IFNLR1: variants seen among roughly 807,000 people sequenced by gnomAD.
IFNLR1 encodes CRF2-12.
In IFNLR1, 28 loss-of-function variants were observed where a neutral mutation model predicts 52.5. That is an observed-to-expected ratio of 0.53 (90% CI 0.40 to 0.73). The LOEUF is 0.73. Ranked by LOEUF, IFNLR1 falls within the 30% of genes least tolerant of loss-of-function variation. IFNLR1 has a pLI of 0.00. For missense variants in IFNLR1, 623 were observed against 659.1 expected, an observed-to-expected ratio of 0.95 and a Z score of 0.60; for synonymous variants, 276 against 274.9, an observed-to-expected ratio of 1.00 and a Z score of -0.04.
chr1:24,170,927 A>G (rs1254024269), intron 2 of IFNLR1, among the ~76,000 whole-genome samples: 1 of 152,222 alleles, frequency 6.6e-6, no homozygotes, highest in Non-Finnish European at 1.5e-5. Flanking sequence ...TTTGAGAAAG[A>G]ACCAATTCCT....
chr1:24,162,494 T>C (rs1298395993), intron 3 of IFNLR1, among the ~76,000 whole-genome samples: 2 of 152,228 alleles, frequency 1.3e-5, no homozygotes, highest in East Asian at 1.9e-4. Flanking sequence ...TCTCAGTCTA[T>C]TTTGTGTTGT....
intron 6 of IFNLR1, among the ~76,000 whole-genome samples, chr1:24,158,307 T>C (rs150588118): frequency 2.6e-5 from 4 of 152,018 alleles, no homozygotes; most frequent in Non-Finnish European, 5.9e-5. Flanking sequence ...GCGCTGGGAG[T>C]TGCAAATCCA....
intron 3 of IFNLR1, among the ~76,000 whole-genome samples, chr1:24,162,706 CTTTT>C (rs1644457318): frequency 9.2e-5 from 2 of 21,786 alleles, no homozygotes; most frequent in African/African-American, 1.9e-4. Context: ...CTTTTCTTTT[CTTTT>C]CTTTCTTTCT....
At position 24,159,529 on chromosome 1, in the gene IFNLR1, A is replaced by T; in HGVS notation, c.615T>A (p.Ser205Arg). The change falls in exon 5 of 7, where the codon AGT becomes AGA. Residue 205 changes from serine to arginine, a missense_variant. Ser to Arg is a moderately radical substitution (Grantham distance 110, BLOSUM62 -1). Transcript: ENST00000327535. ...TAGAGAACTTGCTGTATTTCGGGACACTGAACGTGTAGATGGTTCTGGCAC... is the reference window on the plus strand; with the variant it reads ...TAGAGAACTTGCTGTATTTCGGGACTCTGAACGTGTAGATGGTTCTGGCAC... The part of the protein sequence containing the change: ...CLSARTIYTF[S>R]VPKYSKFSKP... 6.2e-7 allele frequency: 1 copy of T among 1,614,164 alleles called. No homozygotes were observed. The highest frequency in any genetic ancestry group is 1.1e-5 in the South Asian group (1 of 91,084).
At chr1:24,180,976 C>T in intron 1 of IFNLR1, 122 bp from the exon 2 acceptor site, 3 of 1,008,864 alleles carry the variant, frequency 3.0e-6, no homozygotes, top group Non-Finnish European at 4.3e-6. Context: ...GAACCAGGAG[C>T]CACTGACTGG....
At chr1:24,178,667 T>C (rs1644658665) in intron 2 of IFNLR1, among the ~76,000 whole-genome samples, 1 of 152,094 alleles carries the variant, frequency 6.6e-6, no homozygotes, top group South Asian at 2.1e-4. Context: ...ACCAAATGTG[T>C]TTAAATGCCT....
rs758527795 is a variant in IFNLR1, at chr1:24,169,399, C to T, written c.367+18G>A. The T allele has an allele frequency of 6.2e-7, 1 of 1,609,008 alleles. No homozygotes were observed. Among genetic ancestry groups the T allele is most frequent in the Non-Finnish European group, 8.5e-7 (1 of 1,176,744 alleles). ...GGGATGGACAGCCTTCCACTCAGTC[C>T]CTTACCCACAGACCTACCTTCAAAA... On this transcript the variant is annotated intron_variant, in intron 3 of 6. Transcript: ENST00000327535.
intron 1 of IFNLR1, 76 bp downstream of exon 1, chr1:24,187,115 C>G (rs1048458585): frequency 2.0e-6 from 2 of 1,006,704 alleles, no homozygotes; most frequent in African/African-American, 3.4e-5. Context: ...GTCCCAGGAG[C>G]TCCGGGTCCG....
intron 1 of IFNLR1, among the ~76,000 whole-genome samples, chr1:24,186,664 AAACAAC>A (rs57142907): frequency 1.5e-4 from 22 of 151,472 alleles, no homozygotes; most frequent in South Asian, 6.3e-4. Context: ...AGAGGTGGGA[AAACAAC>A]AACAACAACA....
In IFNLR1 at chr1:24,157,159, G is replaced by A. The variant is rs146061117; in HGVS notation, c.1534C>T (p.Arg512Trp). 3.5e-5 allele frequency: 57 copies of A among 1,613,236 alleles called. No individual in the cohort carries two copies. The highest frequency in any genetic ancestry group is 2.4e-4 in the South Asian group (22 of 91,022). ...CTGGCCATGTAATGCCCCAATGTCC[G>A]GCCCCTGTCCTCGGTCCTCTGGGTG... ...ESTQRTEDRG[R>W]TLGHYMAR The change falls in exon 7 of 7, where the codon CGG becomes TGG. Residue 512 changes from arginine to tryptophan, a missense_variant. By Grantham distance (101) the Arg-to-Trp change is moderately radical (BLOSUM62 -3). Coordinates refer to ENST00000327535, the MANE Select transcript of IFNLR1 (RefSeq NM_170743.4). The surrounding 1 kb of genome is among the most constrained non-coding windows in gnomAD (Gnocchi z 5.1).
At chr1:24,184,644 G>A (rs1644720274) in intron 1 of IFNLR1, among the ~76,000 whole-genome samples, 1 of 152,126 alleles carries the variant, frequency 6.6e-6, no homozygotes, top group Non-Finnish European at 1.5e-5. Context: ...TGAAATACTT[G>A]ATTCAAATGT....
intron 2 of IFNLR1, among the ~76,000 whole-genome samples, chr1:24,170,120 A>G (rs891676852): frequency 5.3e-5 from 8 of 152,224 alleles, no homozygotes; most frequent in Non-Finnish European, 7.3e-5. Context: ...CCCTTCCGCT[A>G]TGCGAAGACG....
rs371172712 is a variant in IFNLR1 at position 24,159,159 on chromosome 1, G to T, written c.694C>A (p.Leu232Met). ...AACAGCAGTATCAGAAGCGATGGCAGCACCAGGAAAGCCCAGTTGGCTTCT... is the reference window on the plus strand; with the variant it reads ...AACAGCAGTATCAGAAGCGATGGCATCACCAGGAAAGCCCAGTTGGCTTCT... ...VPEANWAFLV[L>M]PSLLILLLVI... Residue 232 changes from leucine to methionine, a missense_variant, in exon 6 of 7, where the codon CTG becomes ATG. Physicochemically the swap from Leu to Met is conservative, Grantham distance 15. Coordinates refer to ENST00000327535, the MANE Select transcript of IFNLR1 (RefSeq NM_170743.4). The T allele has an allele frequency of 2.5e-6, 4 of 1,614,126 alleles. No homozygotes were observed. The highest frequency in any genetic ancestry group is 3.4e-6 in the Non-Finnish European group (4 of 1,180,012).
chr1:24,161,165 C>T (rs1202938441), intron 4 of IFNLR1, among the ~76,000 whole-genome samples: 2 of 152,226 alleles, frequency 1.3e-5, no homozygotes, highest in African/African-American at 4.8e-5. Flanking sequence ...ACTATCTGGC[C>T]TTCTTCGGGA....
chr1:24,166,344 C>CATCCATTCTTCCCATAT (rs562572112), intron 3 of IFNLR1, among the ~76,000 whole-genome samples: 29 of 152,224 alleles, frequency 1.9e-4, no homozygotes, highest in African/African-American at 6.3e-4. Flanking sequence ...CTAACCTACT[C>CATCCATTCTTCCCATAT]ATCCATTCTT....
rs752104875 is a variant in IFNLR1, at chr1:24,162,876, T to TTTCC, written c.368-1196_368-1193dup. ...CTTTCTTTCTTTCTTTCTTTCTTTC[T>TTTCC]TTCCTTCCTTCCTTCCTTCCTTCCT... On this transcript the variant is annotated intron_variant, in intron 3 of 6. Transcript: ENST00000327535. Among the ~76,000 whole-genome samples, 78 of 22,560 alleles carry TTTCC rather than the reference T, an allele frequency of 3.5e-3. 5 individuals carry two copies. Among genetic ancestry groups the TTTCC allele is most frequent in the South Asian group, 7.5e-3 (4 of 532 alleles). 14.8% of individuals were successfully genotyped at this position (22,560 alleles called of 152,430 possible).
intron 3 of IFNLR1, among the ~76,000 whole-genome samples, chr1:24,163,705 G>A (rs756010537): frequency 1.3e-5 from 2 of 151,780 alleles, no homozygotes; most frequent in Non-Finnish European, 2.9e-5. Context: ...TCAGCCTCCC[G>A]AGTAGCTGGG....
At chr1:24,167,880 G>A (rs1644535831) in intron 3 of IFNLR1, among the ~76,000 whole-genome samples, 1 of 151,316 alleles carries the variant, frequency 6.6e-6, no homozygotes, top group Non-Finnish European at 1.5e-5. Context: ...TGTATTTTTA[G>A]TAGAGTCGGG....
chr1:24,167,795 C>T (rs764127607), intron 3 of IFNLR1, among the ~76,000 whole-genome samples: 9 of 152,194 alleles, frequency 5.9e-5, no homozygotes, highest in East Asian at 3.9e-4. Flanking sequence ...CCTGGGTTCA[C>T]GCCATCCTCC....
Sources: allele counts gnomAD v4.1 joint callset (sites outside exome capture counted in the v4.1 genomes callset), GRCh38; gene constraint gnomAD v4.1.1; non-coding constraint Gnocchi (gnomAD v3.1); transcripts MANE v1.5; gene names NCBI Gene and HGNC (gene_info 2026-07-23, HGNC 2026-07-21).